CSNK1G2: variants seen among roughly 807,000 people sequenced by gnomAD.
CSNK1G2 encodes the protein casein kinase 1 gamma 2.
A neutral mutation model predicts 48.0 loss-of-function variants in CSNK1G2; 11 were observed. That is an observed-to-expected ratio of 0.23 (90% confidence interval 0.14 to 0.38). CSNK1G2 has a LOEUF of 0.38. Ranked by LOEUF, CSNK1G2 falls within the 10% of genes least tolerant of loss-of-function variation. CSNK1G2 has a pLI of 1.00. For synonymous variants in CSNK1G2, 337 were observed against 254.1 expected (o/e 1.33, Z -3.10); for missense variants, 446 against 595.5 (o/e 0.75, Z 2.61).
intron 1 of CSNK1G2, among the ~76,000 whole-genome samples, chr19:1,948,988 C>T (rs1238849575): frequency 1.3e-5 from 2 of 152,146 alleles, no homozygotes; most frequent in African/African-American, 4.8e-5. Context: ...CCTCTGTCCT[C>T]GTCGTGTTCA....
intron 1 of CSNK1G2, among the ~76,000 whole-genome samples, chr19:1,960,928 T>C (rs10417677): frequency 0.21 from 32,323 of 152,180 alleles, 5,677 homozygotes; most frequent in African/African-American, 0.48. Context: ...TTCAGCCCCC[T>C]CTTCCTGTGG....
In CSNK1G2 at chr19:1,978,521, G is replaced by C; in HGVS notation, c.298+10G>C. The stretch of plus-strand genomic sequence containing the variant: ...CAGCTCAGCGCCACAGGTACCGGGC[G>C]GCCCGCGGGTGGGGCGGGGGCTGCG... On this transcript the variant is annotated intron_variant, in intron 4 of 11. Transcript: ENST00000255641. This position sits in a 1 kb window ranked among gnomAD's most constrained non-coding sequence, Gnocchi z 7.3. The C allele has an allele frequency of 6.3e-7, 1 of 1,575,662 alleles. No homozygotes were observed. Among genetic ancestry groups the C allele is most frequent in the Non-Finnish European group, 8.6e-7 (1 of 1,161,860 alleles).
At chr19:1,963,349 G>C (rs6510632) in intron 1 of CSNK1G2, among the ~76,000 whole-genome samples, 84,741 of 150,910 alleles carry the variant, frequency 0.56, 26,854 homozygotes, top group African/African-American at 0.86. Flanking sequence ...GTAGCTGGGA[G>C]TACAGGTGCC....
At chr19:1,959,493 G>A (rs1446496205) in intron 1 of CSNK1G2, among the ~76,000 whole-genome samples, 3 of 85,280 alleles carry the variant, frequency 3.5e-5, no homozygotes, top group Non-Finnish European at 4.9e-5. Context: ...TTTAATGCTC[G>A]GCCCCCAGCA....
At chr19:1,942,045 G>C (rs1190901043) in intron 1 of CSNK1G2, among the ~76,000 whole-genome samples, 3 of 152,128 alleles carry the variant, frequency 2.0e-5, no homozygotes, top group East Asian at 1.9e-4. Flanking sequence ...AGCTCTTGAG[G>C]GGGAGAGCAG....
At chr19:1,948,305 C>T (rs60008479) in intron 1 of CSNK1G2, among the ~76,000 whole-genome samples, 5,395 of 152,144 alleles carry the variant, frequency 0.035, 326 homozygotes, top group African/African-American at 0.12. Flanking sequence ...GGGTGGATCA[C>T]GAGGTCAGGA....
intron 1 of CSNK1G2, among the ~76,000 whole-genome samples, chr19:1,959,085 C>T (rs748355783): frequency 1.9e-4 from 29 of 151,228 alleles, no homozygotes; most frequent in Non-Finnish European, 2.1e-4. Context: ...TCGGGCTGTA[C>T]CCGCTAGCTG....
chr19:1,948,427 G>A (rs1376230102), intron 1 of CSNK1G2, among the ~76,000 whole-genome samples: 4 of 151,534 alleles, frequency 2.6e-5, no homozygotes, highest in East Asian at 1.9e-4. Context: ...GGAGGCTGAG[G>A]GAGGAGAATG....
chr19:1,945,506 T>C (rs2145493557), intron 1 of CSNK1G2, among the ~76,000 whole-genome samples: 1 of 152,252 alleles, frequency 6.6e-6, no homozygotes, highest in South Asian at 2.1e-4. Context: ...CCGAGACAGT[T>C]TCGCGTGACA....
intron 1 of CSNK1G2, among the ~76,000 whole-genome samples, chr19:1,969,276 C>T (rs1401407966): frequency 6.8e-6 from 1 of 146,454 alleles, no homozygotes; most frequent in Non-Finnish European, 1.5e-5. Flanking sequence ...CCCCTGAGCC[C>T]TACCCTGTTC....
In CSNK1G2 at chr19:1,979,483, C is replaced by T. The variant is rs776561765; in HGVS notation, c.854-12C>T. On this transcript the variant is annotated splice_polypyrimidine_tract_variant and intron_variant, in intron 8 of 11. Coordinates refer to ENST00000255641, the MANE Select transcript of CSNK1G2 (RefSeq NM_001319.7). Reference sequence around the variant, plus strand: ...CACCCCCGCCGAGGCCCCGCTGGCGCTCTCTCTGCAGAGGAGATGGCCACG... The same window carrying T: ...CACCCCCGCCGAGGCCCCGCTGGCGTTCTCTCTGCAGAGGAGATGGCCACG... 2.0e-6 allele frequency: 3 copies of T among 1,503,842 alleles called. No individual in the cohort carries two copies. The highest frequency in any genetic ancestry group is 2.8e-5 in the East Asian group (1 of 35,962). 93.2% of individuals were successfully genotyped at this position (1,503,842 alleles called of 1,614,324 possible).
chr19:1,955,006 C>T lies in CSNK1G2; in HGVS notation c.-266+13588C>T, dbSNP rs184704314. Among the ~76,000 whole-genome samples the T allele has an allele frequency of 4.8e-3, 728 of 152,242 alleles. 7 individuals are homozygous for T. The highest frequency in any genetic ancestry group is 0.017 in the African/African-American group (693 of 41,538). On this transcript the variant is annotated intron_variant, in intron 1 of 11. Transcript: ENST00000255641. ...GGCCTGCGTGGGCACTGTGGGTGCC[C>T]AGCCTTTACGTCCTCGCTTCCTTCC...
intron 2 of CSNK1G2, among the ~76,000 whole-genome samples, 192 bp downstream of exon 2, chr19:1,970,151 G>A (rs965154053): frequency 2.0e-5 from 3 of 152,238 alleles, no homozygotes; most frequent in African/African-American, 7.2e-5. Flanking sequence ...AGGTTCTGTG[G>A]GGAGAGTGGG....
At chr19:1,950,233 G>A (rs1037265762) in intron 1 of CSNK1G2, among the ~76,000 whole-genome samples, 4 of 152,000 alleles carry the variant, frequency 2.6e-5, no homozygotes, top group African/African-American at 9.7e-5. Flanking sequence ...TCTGCCTCCC[G>A]GGTTCACACC....
intron 1 of CSNK1G2, among the ~76,000 whole-genome samples, chr19:1,945,109 C>T (rs565585681): frequency 4.6e-5 from 7 of 152,380 alleles, no homozygotes; most frequent in South Asian, 4.1e-4. Flanking sequence ...CTCCAGGCTC[C>T]GCGGCCCCTT....
chr19:1,979,474 C>A, intron 8 of CSNK1G2, 21 bp from the exon 9 acceptor site: 1 of 1,559,034 alleles, frequency 6.4e-7, no homozygotes, highest in South Asian at 1.2e-5. Flanking sequence ...CGCCGAGGCC[C>A]CGCTGGCGCT....
rs898217298 is a variant in CSNK1G2 at position 1,969,504 on chromosome 19, G to A, written c.-265-4G>A. On this transcript the variant is annotated splice_region_variant and splice_polypyrimidine_tract_variant and intron_variant, in intron 1 of 11. Coordinates refer to ENST00000255641, the MANE Select transcript of CSNK1G2 (RefSeq NM_001319.7). ...TGCTCACCTGTGCCTCTGTTTCTCT[G>A]CAGCTGTGAGCCGTGAGCTTTGAGG... 1.7e-5 allele frequency: 5 copies of A among 290,428 alleles called. No individual in the cohort carries two copies. Among genetic ancestry groups the A allele is most frequent in the African/African-American group, 8.7e-5 (4 of 46,042 alleles). 18.0% of individuals were successfully genotyped at this position (290,428 alleles called of 1,614,324 possible).
chr19:1,972,311 T>G (rs1228620651), intron 2 of CSNK1G2, among the ~76,000 whole-genome samples: 1 of 152,208 alleles, frequency 6.6e-6, no homozygotes, highest in African/African-American at 2.4e-5. Flanking sequence ...ACTGGGCTCC[T>G]CGAGCACTCC....
At position 1,957,196 on chromosome 19, in the gene CSNK1G2, AG is replaced by A. The variant is rs1158832972; in HGVS notation, c.-265-12311del. 6.6e-6 allele frequency among the ~76,000 whole-genome samples: 1 copy of A among 152,212 alleles called. No homozygotes were observed. Among genetic ancestry groups the A allele is most frequent in the Non-Finnish European group, 1.5e-5 (1 of 68,040 alleles). ...ACGCAGGCCCCACCTCCCTCCAGGCAGCCCCACAGGCCCGAGGGCCACCGTG... is the reference window on the plus strand; with the variant it reads ...ACGCAGGCCCCACCTCCCTCCAGGCACCCCACAGGCCCGAGGGCCACCGTG... On this transcript the variant is annotated intron_variant, in intron 1 of 11. Transcript: ENST00000255641. This position sits in a 1 kb window ranked among gnomAD's most constrained non-coding sequence, Gnocchi z 5.4.
Sources: allele counts gnomAD v4.1 joint callset (sites outside exome capture counted in the v4.1 genomes callset), GRCh38; gene constraint gnomAD v4.1.1; non-coding constraint Gnocchi (gnomAD v3.1); transcripts MANE v1.5; gene names NCBI Gene and HGNC (gene_info 2026-07-23, HGNC 2026-07-21).